OR6B3: variants seen among roughly 807,000 people sequenced by gnomAD.
The protein encoded by OR6B3 is olfactory receptor 6B3.
For synonymous variants in OR6B3, 148 were observed against 187.8 expected (o/e 0.79, Z 1.73); for missense variants, 315 against 427.4 (o/e 0.74, Z 2.32).
intron 1 of OR6B3, among the ~76,000 whole-genome samples, chr2:240,046,514 T>G (rs978272576): frequency 6.6e-6 from 1 of 152,160 alleles, no homozygotes; most frequent in African/African-American, 2.4e-5. Context: ...CTTTCTAAAT[T>G]GGTAGATATA....
At chr2:240,052,182 A>G in the OR6B3 span, among the ~76,000 whole-genome samples, 302 of 152,382 alleles carry the variant, frequency 2.0e-3, 2 homozygotes, top group Middle Eastern at 0.02. This position sits in a 1 kb window ranked among gnomAD's most constrained non-coding sequence, Gnocchi z 4.5. Context: ...TCAAAAAAGT[A>G]TATTGTAAAA....
At chr2:240,051,708 G>C (rs1245202243), upstream of OR6B3, among the ~76,000 whole-genome samples, 1 of 152,372 alleles carries the variant, frequency 6.6e-6, no homozygotes, top group East Asian at 1.9e-4. Context: ...GCACTAGCGT[G>C]ATTATTTCAG....
exon 2 of OR6B3, chr2:240,045,509 G>A (rs777374444): frequency 6.2e-7 from 1 of 1,613,418 alleles, no homozygotes; most frequent in Non-Finnish European, 8.5e-7. Flanking sequence ...AGTCCGTGCA[G>A]GCCAGCTTGA....
upstream of OR6B3, among the ~76,000 whole-genome samples, chr2:240,050,618 G>T (rs1698244267): frequency 6.6e-6 from 1 of 151,604 alleles, no homozygotes; most frequent in Non-Finnish European, 1.5e-5. Context: ...AAAGTCTGAG[G>T]TATGAGAATC....
upstream of OR6B3, among the ~76,000 whole-genome samples, chr2:240,047,826 A>T (rs1349716759): frequency 3.3e-5 from 5 of 152,224 alleles, no homozygotes; most frequent in Non-Finnish European, 5.9e-5. Context: ...GTGTGCCTTT[A>T]AAAATGACAA....
upstream of OR6B3, among the ~76,000 whole-genome samples, chr2:240,048,616 T>C (rs1698221862): frequency 6.6e-6 from 1 of 151,958 alleles, no homozygotes; most frequent in African/African-American, 2.4e-5. Flanking sequence ...CTTCCTACCA[T>C]GCAGTAGAAA....
the OR6B3 span, among the ~76,000 whole-genome samples, chr2:240,053,000 G>A: frequency 3.9e-5 from 6 of 151,938 alleles, no homozygotes; most frequent in African/African-American, 1.2e-4. This position sits in a 1 kb window ranked among gnomAD's most constrained non-coding sequence, Gnocchi z 4.5. Flanking sequence ...ACGGGATTTC[G>A]CCATGTTGGC....
upstream of OR6B3, among the ~76,000 whole-genome samples, chr2:240,047,244 G>C (rs1698203956): frequency 1.3e-5 from 2 of 152,296 alleles, no homozygotes; most frequent in South Asian, 4.1e-4. Flanking sequence ...CGAACCTAAA[G>C]CAAATATTTA....
At chr2:240,048,169 T>C (rs892862184), upstream of OR6B3, among the ~76,000 whole-genome samples, 6 of 152,232 alleles carry the variant, frequency 3.9e-5, no homozygotes, top group African/African-American at 1.4e-4. Context: ...ATATTGTGCA[T>C]AGGAGTTACA....
At chr2:240,044,994 T>C (rs1365243482), downstream of OR6B3, 8 of 1,375,030 alleles carry the variant, frequency 5.8e-6, no homozygotes, top group Non-Finnish European at 7.0e-6. Flanking sequence ...CCTCAGTTTT[T>C]TTCCTGAAGG....
At chr2:240,047,100 T>C (rs1041390591), upstream of OR6B3, 6 of 149,360 alleles carry the variant, frequency 4.0e-5, no homozygotes, top group Admixed American at 2.0e-4. Flanking sequence ...GATTCAGTTG[T>C]TGGTTGCCCT....
chr2:240,051,222 G>A (rs1330081396), upstream of OR6B3, among the ~76,000 whole-genome samples: 4 of 152,140 alleles, frequency 2.6e-5, no homozygotes, highest in African/African-American at 4.8e-5. Flanking sequence ...AAGGGTTGGC[G>A]CTATTTACCA....
At chr2:240,049,946 G>T (rs1574920310), upstream of OR6B3, among the ~76,000 whole-genome samples, 1 of 152,194 alleles carries the variant, frequency 6.6e-6, no homozygotes, top group East Asian at 1.9e-4. Context: ...AGTAATATGA[G>T]TCCTTAAAAA....
downstream of OR6B3, chr2:240,045,057 CAAA>C: frequency 6.5e-7 from 1 of 1,542,064 alleles, no homozygotes; most frequent in Non-Finnish European, 8.7e-7. Flanking sequence ...TACAATAATG[CAAA>C]CAGTCAAATG....
At chr2:240,046,781 G>T (rs935968585) in intron 1 of OR6B3, among the ~76,000 whole-genome samples, 171 bp downstream of exon 2, 1 of 152,192 alleles carries the variant, frequency 6.6e-6, no homozygotes, top group Non-Finnish European at 1.5e-5. Context: ...AGTCTAGAAC[G>T]TTCTCGAGGG....
rs1219698866 is a variant in OR6B3 at position 240,046,114 on chromosome 2, A to G, written c.-25-17T>C. ...GCTGCAGGCCTACAAAACATCAAAG[A>G]GCAAGAGGAAAGGGCTGCAGGGAAG... On this transcript the variant is annotated splice_polypyrimidine_tract_variant and intron_variant, in intron 1 of 1. Transcript: ENST00000641019. The G allele has an allele frequency of 3.3e-6, 5 of 1,507,846 alleles. No homozygotes were observed. Among genetic ancestry groups the G allele is most frequent in the Non-Finnish European group, 4.5e-6 (5 of 1,106,192 alleles). 93.4% of individuals were successfully genotyped at this position (1,507,846 alleles called of 1,614,324 possible).
chr2:240,046,772 G>A (rs1698195270), intron 1 of OR6B3, among the ~76,000 whole-genome samples, 180 bp downstream of exon 2: 1 of 152,200 alleles, frequency 6.6e-6, no homozygotes, highest in African/African-American at 2.4e-5. Flanking sequence ...AGAGGAGGAA[G>A]TCTAGAACGT....
chr2:240,047,623 T>C (rs548726038), upstream of OR6B3, among the ~76,000 whole-genome samples: 1 of 152,370 alleles, frequency 6.6e-6, no homozygotes, highest in African/African-American at 2.4e-5. Context: ...CACGTGAGTA[T>C]ATTATTTATT....
At chr2:240,047,102 G>A (rs1482160498), upstream of OR6B3, 1 of 151,006 alleles carries the variant, frequency 6.6e-6, no homozygotes, top group African/African-American at 2.4e-5. Context: ...TTCAGTTGTT[G>A]GTTGCCCTGT....
Sources: gnomAD v4.1 joint callset for allele counts (sites outside exome capture counted in the v4.1 genomes callset) on GRCh38, gnomAD v4.1.1 for gene constraint, Gnocchi (gnomAD v3.1) non-coding constraint, MANE v1.5 for transcripts, NCBI Gene and HGNC (gene_info 2026-07-23, HGNC 2026-07-21) for gene names.